The following PROCR variants were observed in gnomAD, a reference collection of about 807,000 sequenced individuals.
The protein encoded by PROCR is protein C receptor.
In PROCR, 22 loss-of-function variants were observed where a neutral mutation model predicts 24.2. The observed-to-expected ratio is 0.91, with a 90% CI of 0.65 to 1.30. The LOEUF (loss-of-function observed/expected upper bound fraction) is 1.30. Among genes scored for constraint, PROCR ranks in the 50% most tolerant of loss-of-function variants. The pLI is 0.00. For synonymous variants in PROCR, 137 were observed against 139.2 expected, an observed-to-expected ratio of 0.98 and a Z score of 0.11; for missense variants, 288 against 307.7, an observed-to-expected ratio of 0.94 and a Z score of 0.48.
intron 1 of PROCR, among the ~76,000 whole-genome samples, chr20:35,182,814 A>C (rs2086088905): frequency 6.6e-6 from 1 of 151,978 alleles, no homozygotes; most frequent in Admixed American, 6.6e-5. Flanking sequence ...TCTCTACTAA[A>C]TATACAAAAA....
chr20:35,197,582 G>C (rs890492866), intron 1 of PROCR, among the ~76,000 whole-genome samples: 1 of 152,036 alleles, frequency 6.6e-6, no homozygotes, highest in Admixed American at 6.6e-5. Context: ...CCAGCACTTT[G>C]GGAGGCCGAG....
intron 1 of PROCR, among the ~76,000 whole-genome samples, chr20:35,206,485 A>AC (rs1369227840): frequency 3.3e-5 from 5 of 151,318 alleles, no homozygotes; most frequent in Non-Finnish European, 7.4e-5. Flanking sequence ...AAAAAAAAAA[A>AC]AAAAAAAAAA....
intron 1 of PROCR, among the ~76,000 whole-genome samples, chr20:35,204,798 T>C (rs931981785): frequency 3.3e-5 from 5 of 152,282 alleles, no homozygotes; most frequent in Admixed American, 3.3e-4. Context: ...ATGGTCCTGA[T>C]GCCAAAATTT....
chr20:35,181,262 A>G (rs957659839), downstream of PROCR, among the ~76,000 whole-genome samples: 10 of 100,784 alleles, frequency 9.9e-5, no homozygotes, highest in Admixed American at 1.7e-4. Flanking sequence ...TTCTAATTTA[A>G]TTTTAATTTA....
intron 1 of PROCR, among the ~76,000 whole-genome samples, chr20:35,212,661 C>T (rs1009358482): frequency 6.6e-6 from 1 of 152,170 alleles, no homozygotes; most frequent in Non-Finnish European, 1.5e-5. Context: ...CTGGAAAGTA[C>T]TTAGGTTGAT....
chr20:35,199,942 C>T (rs2060312644), intron 1 of PROCR, among the ~76,000 whole-genome samples: 1 of 152,020 alleles, frequency 6.6e-6, no homozygotes, highest in Non-Finnish European at 1.5e-5. Flanking sequence ...TGATTCCAAC[C>T]CTCATGAATG....
chr20:35,189,769 C>A (rs567870776), intron 1 of PROCR, among the ~76,000 whole-genome samples: 1 of 152,260 alleles, frequency 6.6e-6, no homozygotes, highest in South Asian at 2.1e-4. Context: ...AGAAAAGAAC[C>A]CACGTTGAAA....
At chr20:35,201,817 T>C (rs2060319275) in intron 1 of PROCR, 1 of 152,116 alleles carries the variant, frequency 6.6e-6, no homozygotes, top group Admixed American at 6.6e-5. Flanking sequence ...AAGATATAAA[T>C]ATAGGGAAAT....
chr20:35,186,934 C>G (rs1468984471), intron 1 of PROCR, among the ~76,000 whole-genome samples: 5 of 143,708 alleles, frequency 3.5e-5, no homozygotes, highest in African/African-American at 5.2e-5. Flanking sequence ...GCCTGGGCAA[C>G]AAAGCAAGAC....
At chr20:35,188,678 A>C (rs2086147587) in intron 1 of PROCR, among the ~76,000 whole-genome samples, 1 of 152,210 alleles carries the variant, frequency 6.6e-6, no homozygotes, top group Non-Finnish European at 1.5e-5. Flanking sequence ...GTTGCTCCGA[A>C]TATTGGTTAT....
In PROCR at chr20:35,176,377, CT is replaced by C. The variant is rs1490646105; in HGVS notation, c.533del (p.Leu178ArgfsTer50). ...TGCCTACAACCGCACTCGGTATGAA[CT>C]GCGGGAATTCCTGGAGGACACCTGT... ...LNAYNRTRYE[L>X]REFLEDTCVQ... On this transcript the variant is annotated frameshift_variant, in exon 3 of 4. Transcript: ENST00000216968. LOFTEE classifies it high-confidence loss of function. 1.2e-6 allele frequency: 2 copies of C among 1,614,208 alleles called. No homozygotes were observed. Among genetic ancestry groups the C allele is most frequent in the Non-Finnish European group, 1.7e-6 (2 of 1,180,036 alleles).
intron 1 of PROCR, among the ~76,000 whole-genome samples, chr20:35,211,883 G>A (rs1350364698): frequency 6.6e-6 from 1 of 152,064 alleles, no homozygotes; most frequent in African/African-American, 2.4e-5. Context: ...GGGTGTGGTG[G>A]CTCACAACTG....
chr20:35,192,044 G>C (rs2086177749), intron 1 of PROCR, among the ~76,000 whole-genome samples: 1 of 152,150 alleles, frequency 6.6e-6, no homozygotes, highest in Non-Finnish European at 1.5e-5. Context: ...TTACCCATCA[G>C]AATAGTCAGA....
At chr20:35,205,752 A>AATATATATATATATATATATATATATAT (rs200029202) in intron 1 of PROCR, among the ~76,000 whole-genome samples, 1 of 102,660 alleles carries the variant, frequency 9.7e-6, no homozygotes, top group Non-Finnish European at 1.8e-5. Context: ...ACTCTGTCTA[A>AATATATATATATATATATATATATATAT]ATATATATAT....
In PROCR at chr20:35,176,777, A is replaced by G; in HGVS notation, c.681A>G (p.Val227=). 1.9e-6 allele frequency: 3 copies of G among 1,614,034 alleles called. No individual in the cohort carries two copies. Among genetic ancestry groups the G allele is most frequent in the Non-Finnish European group, 2.5e-6 (3 of 1,179,996 alleles). The change falls in exon 4 of 4, where the codon GTA becomes GTG. Residue 227 remains valine (V), a synonymous_variant. Coordinates refer to ENST00000216968, the MANE Select transcript of PROCR (RefSeq NM_006404.5). The part of the protein sequence containing the change: ...VGSFIIAGVA[V]GIFLCTGGRR... The stretch of plus-strand genomic sequence containing the variant: ...GTTTCATCATTGCTGGTGTGGCTGT[A>G]GGCATCTTCCTGTGCACAGGTGGAC...
chr20:35,180,831 T>C (rs1289985346), downstream of PROCR, among the ~76,000 whole-genome samples: 4 of 151,802 alleles, frequency 2.6e-5, no homozygotes, highest in Non-Finnish European at 5.9e-5. Context: ...GTGTCATTAT[T>C]CCGTTTTTTG....
chr20:35,171,998 C>T (rs544720176), upstream of PROCR: 22 of 715,924 alleles, frequency 3.1e-5, no homozygotes, highest in Admixed American at 1.0e-4. Flanking sequence ...ACTTTATAAG[C>T]CTCTTCCTCC....
intron 1 of PROCR, among the ~76,000 whole-genome samples, chr20:35,185,455 AT>A (rs1266515299): frequency 6.6e-6 from 1 of 152,236 alleles, no homozygotes; most frequent in Non-Finnish European, 1.5e-5. Flanking sequence ...TAGCAGCACA[AT>A]TCACCATTGC....
chr20:35,190,536 T>A (rs2086164957), intron 1 of PROCR, among the ~76,000 whole-genome samples: 1 of 152,228 alleles, frequency 6.6e-6, no homozygotes, highest in African/African-American at 2.4e-5. Context: ...TGTTTATTTT[T>A]CTCAGCAAAA....
Sources: gnomAD v4.1 joint callset for allele counts (sites outside exome capture counted in the v4.1 genomes callset) on GRCh38, gnomAD v4.1.1 for gene constraint, MANE v1.5 for transcripts, NCBI Gene and HGNC (gene_info 2026-07-23, HGNC 2026-07-21) for gene names.